Variants in BTG4 observed in about 807,000 individuals in gnomAD.
BTG4 encodes the protein BTG anti-proliferation factor 4, also known as protein BTG4.
BTG4 carries 10 observed loss-of-function variants against 19.3 expected under a neutral mutation model. The observed-to-expected ratio is 0.52, with a 90% CI of 0.32 to 0.88. BTG4 has a LOEUF of 0.88. Among genes scored for constraint, BTG4 ranks in the 40% least tolerant of loss-of-function variants. BTG4 has a pLI of 0.04. For missense variants in BTG4, 238 were observed against 281.9 expected, an observed-to-expected ratio of 0.84 and a Z score of 1.11; for synonymous variants, 91 against 95.7, an observed-to-expected ratio of 0.95 and a Z score of 0.29.
At chr11:111,415,341 G>C in the BTG4 span, among the ~76,000 whole-genome samples, 1 of 152,198 alleles carries the variant, frequency 6.6e-6, no homozygotes, top group Non-Finnish European at 1.5e-5. Context: ...TAAACTGGCA[G>C]CTGATAATAC....
At chr11:111,402,797 A>G in the BTG4 span, among the ~76,000 whole-genome samples, 2 of 152,274 alleles carry the variant, frequency 1.3e-5, no homozygotes, top group South Asian at 2.1e-4. Context: ...CCGGCCTTCA[A>G]TGGCCTTTCA....
chr11:111,513,575 T>C (rs1867102559), upstream of BTG4: 2 of 468,654 alleles, frequency 4.3e-6, no homozygotes, highest in South Asian at 1.5e-5. Context: ...AAGAGGGGTG[T>C]TGGAAAATGC....
the BTG4 span, chr11:111,452,419 C>T: frequency 3.6e-3 from 553 of 152,390 alleles, 8 homozygotes; most frequent in Middle Eastern, 0.017. Context: ...TATGTCCGGG[C>T]CCTCCCGCCA....
Position 111,497,927 on chromosome 11 carries a change from G to A in BTG4, c.311+71C>T, listed in dbSNP as rs1865836129. ...AAGGCTTTGGGGCATCATCTTTCAT[G>A]AAGGTATGTAAAGTTGTCTAACTTA... On this transcript the variant is annotated intron_variant, in intron 3 of 4. Transcript: ENST00000692032. 8 of 1,503,840 alleles carry A rather than the reference G, an allele frequency of 5.3e-6. No homozygotes were observed. In the African/African-American group the frequency reaches 6.9e-5, roughly 13 times the overall value. The allele number at this position is 1,503,840 out of a possible 1,614,324, so 93.2% of individuals were successfully genotyped here.
At chr11:111,451,336 G>T in the BTG4 span, 1 of 442,322 alleles carries the variant, frequency 2.3e-6, no homozygotes, top group Non-Finnish European at 4.6e-6. Context: ...CAAAGCCTCA[G>T]CCTCTTTCTG....
chr11:111,492,146 CA>C (rs908559037), downstream of BTG4, among the ~76,000 whole-genome samples: 1 of 152,136 alleles, frequency 6.6e-6, no homozygotes, highest in Non-Finnish European at 1.5e-5. Context: ...TCTCTGAACC[CA>C]AATCAGAACA....
the BTG4 span, among the ~76,000 whole-genome samples, chr11:111,391,955 G>C: frequency 6.6e-6 from 1 of 152,022 alleles, no homozygotes; most frequent in Non-Finnish European, 1.5e-5. Context: ...TGAAAGCTTC[G>C]TGTCTCTGCA....
At chr11:111,491,682 C>CCATA (rs964148623), downstream of BTG4, among the ~76,000 whole-genome samples, 2 of 143,044 alleles carry the variant, frequency 1.4e-5, no homozygotes, top group African/African-American at 2.6e-5. Context: ...CTGCAGTGAG[C>CCATA]TATGATTGCA....
At chr11:111,452,210 C>T in the BTG4 span, among the ~76,000 whole-genome samples, 1 of 152,244 alleles carries the variant, frequency 6.6e-6, no homozygotes, top group Non-Finnish European at 1.5e-5. Context: ...ACAGCTCCCT[C>T]ATACAGATAG....
At chr11:111,401,473 C>T in the BTG4 span, among the ~76,000 whole-genome samples, 1 of 141,402 alleles carries the variant, frequency 7.1e-6, no homozygotes, top group Non-Finnish European at 1.6e-5. Context: ...CAGAGCGAGA[C>T]TCCGTCTCAA....
chr11:111,401,310 C>A, the BTG4 span, among the ~76,000 whole-genome samples: 4 of 148,230 alleles, frequency 2.7e-5, no homozygotes, highest in African/African-American at 1.0e-4. Context: ...GGTGAAAACC[C>A]GTCTCTACTA....
At chr11:111,505,689 C>A (rs924709659) in intron 1 of BTG4, among the ~76,000 whole-genome samples, 1 of 151,976 alleles carries the variant, frequency 6.6e-6, no homozygotes, top group East Asian at 1.9e-4. Context: ...GATAAAAAGA[C>A]AACTCACAGA....
At position 111,495,108 on chromosome 11, in the gene BTG4, T is replaced by G; in HGVS notation, c.*27A>C. 1 of 1,508,780 alleles carries G rather than the reference T, an allele frequency of 6.6e-7. No homozygotes were observed. The highest frequency in any genetic ancestry group is 8.8e-7 in the Non-Finnish European group (1 of 1,131,632). 93.5% of individuals were successfully genotyped at this position (1,508,780 alleles called of 1,614,324 possible). On this transcript the variant is annotated 3_prime_UTR_variant, in exon 5 of 5. Transcript: ENST00000692032. Reference sequence around the variant, plus strand: ...AGAATAAAGGCACTCCTCTGAGCTCTTGCCCACCACGTGCCCAGTCGCTGC... The same window carrying G: ...AGAATAAAGGCACTCCTCTGAGCTCGTGCCCACCACGTGCCCAGTCGCTGC...
chr11:111,453,421 A>C, the BTG4 span: 59,499 of 456,332 alleles, frequency 0.13, 4,185 homozygotes, highest in Middle Eastern at 0.2. Context: ...GCAGTGTCAC[A>C]GCCTGAGCTG....
intron 4 of BTG4, among the ~76,000 whole-genome samples, 184 bp from the exon 5 acceptor site, chr11:111,495,498 C>G (rs987540790): frequency 6.6e-6 from 1 of 152,114 alleles, no homozygotes; most frequent in Non-Finnish European, 1.5e-5. Context: ...TTATACTGTA[C>G]CTTTTTAAAA....
chr11:111,420,083 C>T, the BTG4 span, among the ~76,000 whole-genome samples: 1 of 152,170 alleles, frequency 6.6e-6, no homozygotes, highest in African/African-American at 2.4e-5. Context: ...CCTAGAGATG[C>T]CTAGGGTCCA....
intron 5 of BTG4, among the ~76,000 whole-genome samples, chr11:111,487,170 T>G (rs957288797): frequency 6.6e-6 from 1 of 152,212 alleles, no homozygotes; most frequent in Non-Finnish European, 1.5e-5. Context: ...TTTATGGCTG[T>G]GTAGTATTCC....
chr11:111,473,835 A>C (rs1469694264), intron 5 of BTG4, among the ~76,000 whole-genome samples: 1 of 152,200 alleles, frequency 6.6e-6, no homozygotes, highest in East Asian at 1.9e-4. Flanking sequence ...GAGAACAAAA[A>C]GTAGCTAGAA....
chr11:111,440,550 C>T, the BTG4 span, among the ~76,000 whole-genome samples: 48 of 152,340 alleles, frequency 3.2e-4, no homozygotes, highest in African/African-American at 1.2e-3. Context: ...CATCCTACCC[C>T]TGGGCGGTGT....
Sources: gnomAD v4.1 joint callset for allele counts (sites outside exome capture counted in the v4.1 genomes callset) on GRCh38, gnomAD v4.1.1 for gene constraint, MANE v1.5 for transcripts, NCBI Gene and HGNC (gene_info 2026-07-23, HGNC 2026-07-21) for gene names.